Variants in LTBP3 observed in about 807,000 individuals in gnomAD.
LTBP3 encodes the protein latent-transforming growth factor beta-binding protein 3.
A neutral mutation model predicts 159.7 loss-of-function variants in LTBP3; 97 were observed. The ratio of observed to expected loss-of-function variants is 0.61; its 90% confidence interval spans 0.52 to 0.72. The LOEUF is 0.72. Among genes scored for constraint, LTBP3 ranks in the 30% least tolerant of loss-of-function variants. The pLI, the probability that LTBP3 is intolerant of heterozygous loss-of-function variation, is 0.00. For missense variants in LTBP3, 1,584 were observed against 1,864.3 expected (o/e 0.85, Z 2.77); for synonymous variants, 824 against 777.1 (o/e 1.06, Z -1.00).
chr11:65,548,277 C>G (rs1355006225), intron 11 of LTBP3: 1 of 642,116 alleles, frequency 1.6e-6, no homozygotes, highest in Non-Finnish European at 2.7e-6. Flanking sequence ...ACACCCAGGC[C>G]CGGATACTTC....
In LTBP3 at chr11:65,541,600, C is replaced by A; in HGVS notation, c.2725G>T (p.Glu909Ter). 6.2e-7 allele frequency: 1 copy of A among 1,614,176 alleles called. No individual in the cohort carries two copies. Among genetic ancestry groups the A allele is most frequent in the Non-Finnish European group, 8.5e-7 (1 of 1,180,012 alleles). The change falls in exon 19 of 28, where the codon GAG (glutamate) becomes TAG (stop). Residue 909 changes from glutamate (E) to a stop codon, truncating the protein, a stop_gained and splice_region_variant. Coordinates refer to ENST00000301873, the MANE Select transcript of LTBP3 (RefSeq NM_001130144.3). LOFTEE classifies it high-confidence loss of function. ...TPTQDQHGCE[E>*]VEQPHHKKEC... Reference sequence around the variant, plus strand: ...AGGGAGGAGCTGGGAGGACACTCACCCTCACAACCGTGCTGGTCCTGGGTG... The same window carrying A: ...AGGGAGGAGCTGGGAGGACACTCACACTCACAACCGTGCTGGTCCTGGGTG...
At chr11:65,540,713 C>CTACAGGAGGGGCGGGGCT in intron 21 of LTBP3, 99 bp from the exon 22 acceptor site, 2 of 1,555,762 alleles carry the variant, frequency 1.3e-6, no homozygotes, top group Non-Finnish European at 1.8e-6. Context: ...CGGGCGGGGC[C>CTACAGGAGGGGCGGGGCT]TACAGGAGGG....
chr11:65,547,884 A>C lies in LTBP3; in HGVS notation c.1846+36T>G, dbSNP rs1394778239. On this transcript the variant is annotated intron_variant, in intron 12 of 27. Coordinates refer to ENST00000301873, the MANE Select transcript of LTBP3 (RefSeq NM_001130144.3). This position sits in a 1 kb window ranked among gnomAD's most constrained non-coding sequence, Gnocchi z 4.6. ...GCGTCGTTATCTGGGGTCCCCCCCC[A>C]CCCACCTGCATGCCCGCCGCCTGCC... 3 of 1,612,998 alleles carry C rather than the reference A, an allele frequency of 1.9e-6. No individual in the cohort carries two copies. The highest frequency in any genetic ancestry group is 1.3e-5 in the African/African-American group (1 of 74,916).
rs376337792 is a variant in LTBP3 at position 65,547,488 on chromosome 11, G to A, written c.2058C>T (p.Asn686=). The change falls in exon 14 of 28, where the codon AAC becomes AAT. Residue 686 remains asparagine, a synonymous_variant. Coordinates refer to ENST00000301873, the MANE Select transcript of LTBP3 (RefSeq NM_001130144.3). This position sits in a 1 kb window ranked among gnomAD's most constrained non-coding sequence, Gnocchi z 4.6. ...CTTTGAGCCGGTAGCCGGGGTAGCA[G>A]TTGCACTTGTAGTGACCGGGAAAGT... The part of the protein sequence containing the change: ...CINFPGHYKC[N]CYPGYRLKAS... The A allele has an allele frequency of 2.5e-6, 4 of 1,614,054 alleles. No individual in the cohort carries two copies. In the African/African-American group the frequency reaches 4.0e-5, roughly 16 times the overall value.
chr11:65,540,775 G>GGC, intron 21 of LTBP3, 96 bp downstream of exon 21: 1 of 1,481,214 alleles, frequency 6.8e-7, no homozygotes, highest in Non-Finnish European at 9.2e-7. Context: ...GGGCTTACCC[G>GGC]GCGCGGGCAG....
Position 65,539,146 on chromosome 11 carries a change from G to A in LTBP3, c.3846C>T (p.Cys1282=), listed in dbSNP as rs1465948756. 6.7e-7 allele frequency: 1 copy of A among 1,490,712 alleles called. No homozygotes were observed. The allele number at this position is 1,490,712 out of a possible 1,614,324, so 92.3% of individuals were successfully genotyped here. A position where few individuals can be genotyped will look rare whatever the true frequency, so the allele number is the denominator to read the frequency against. ...TGCGCGCGAAGCCGGCTTTGCAGAC[G>A]CAGCGGAAGGAGCCGCTGGTGTTCA... is the stretch of plus-strand genomic sequence containing the variant. The part of the protein sequence containing the change: ...RCVNTSGSFR[C]VCKAGFARSR... The change falls in exon 28 of 28, where the codon TGC becomes TGT. Residue 1282 remains cysteine (C), a synonymous_variant. Transcript: ENST00000301873.
At chr11:65,543,013 G>GTGGATGGA (rs1253496244) in intron 18 of LTBP3, 92 bp downstream of exon 18, 3 of 1,523,624 alleles carry the variant, frequency 2.0e-6, no homozygotes, top group African/African-American at 1.4e-5. Context: ...GGTTGGATGG[G>GTGGATGGA]TGGATGGATG....
intron 1 of LTBP3, among the ~76,000 whole-genome samples, chr11:65,555,646 G>A (rs1418712573): frequency 1.3e-5 from 2 of 152,182 alleles, no homozygotes; most frequent in Non-Finnish European, 2.9e-5. Context: ...CAGGGGGTTC[G>A]GGGGAATGAA....
chr11:65,538,753 G>A lies in LTBP3; in HGVS notation c.*327C>T. On this transcript the variant is annotated 3_prime_UTR_variant, in exon 28 of 28. Transcript: ENST00000301873. The stretch of plus-strand genomic sequence containing the variant: ...GCCCCTGGGAGGCGGCTGGGGTCTG[G>A]CGCCGCCCTGCGCAGCCCGCGCCCA... 1 of 911,098 alleles carries A rather than the reference G, an allele frequency of 1.1e-6. No homozygotes were observed. The highest frequency in any genetic ancestry group is 1.6e-6 in the Non-Finnish European group (1 of 624,654). 56.4% of individuals were successfully genotyped at this position (911,098 alleles called of 1,614,324 possible). A position where few individuals can be genotyped will look rare whatever the true frequency, so the allele number is the denominator to read the frequency against.
chr11:65,538,990 C>T lies in LTBP3; in HGVS notation c.*90G>A, dbSNP rs578230964. 6 of 1,315,686 alleles carry T rather than the reference C, an allele frequency of 4.6e-6. No homozygotes were observed. Among genetic ancestry groups the T allele is most frequent in the Non-Finnish European group, 5.8e-6 (6 of 1,033,574 alleles). 81.5% of individuals were successfully genotyped at this position (1,315,686 alleles called of 1,614,324 possible). A position where few individuals can be genotyped will look rare whatever the true frequency, so the allele number is the denominator to read the frequency against. ...TGCGGGCCCTGAAGGTCCCTGGGTC[C>T]GAGCCACAAGTCGGGGCAGAAGTGA... On this transcript the variant is annotated 3_prime_UTR_variant, in exon 28 of 28. Coordinates refer to ENST00000301873, the MANE Select transcript of LTBP3 (RefSeq NM_001130144.3).
chr11:65,540,454 C>T, intron 22 of LTBP3, 32 bp downstream of exon 22: 1 of 1,612,240 alleles, frequency 6.2e-7, no homozygotes, highest in Non-Finnish European at 8.5e-7. Context: ...CTCCCTGCCG[C>T]TTCCCCACGG....
chr11:65,542,601 T>C (rs1488997990), intron 18 of LTBP3: 2 of 207,900 alleles, frequency 9.6e-6, no homozygotes, highest in Non-Finnish European at 2.0e-5. Context: ...TTGGCCAGGC[T>C]GGTCTTGAAC....
chr11:65,548,147 T>G, intron 11 of LTBP3, 102 bp from the exon 12 acceptor site: 1 of 1,544,264 alleles, frequency 6.5e-7, no homozygotes, highest in Non-Finnish European at 8.9e-7. Flanking sequence ...GACCTCAGGT[T>G]CCTGTACGCC....
rs1359056577 is a variant in LTBP3 at position 65,543,190 on chromosome 11, A to C, written c.2511T>G (p.Ile837Met). 3 of 1,613,988 alleles carry C rather than the reference A, an allele frequency of 1.9e-6. No individual in the cohort carries two copies. The highest frequency in any genetic ancestry group is 2.5e-6 in the Non-Finnish European group (3 of 1,179,994). Residue 837 changes from isoleucine (I) to methionine (M), a missense_variant, in exon 18 of 28, where the codon ATT becomes ATG. By Grantham distance (10) the Ile-to-Met change is conservative. This residue lies in a region of LTBP3 where 565 missense variants were observed against 677.7 expected (regional missense o/e 0.83). Transcript: ENST00000301873. ...IDECDFPAACIGGDCINTNGS... is the reference protein window; with the variant it reads ...IDECDFPAACMGGDCINTNGS... ...CATTGGTATTGATGCAGTCACCCCC[A>C]ATGCAGGCTGCAGGGAAGTCACACT...
Position 65,553,813 on chromosome 11 carries a change from T to TCGG in LTBP3, c.749_751dup (p.Ala250dup). 1 of 1,561,820 alleles carries TCGG rather than the reference T, an allele frequency of 6.4e-7. No individual in the cohort carries two copies. Among genetic ancestry groups the TCGG allele is most frequent in the Non-Finnish European group, 8.6e-7 (1 of 1,161,400 alleles). ...CAGGTGCTGGGAGGGGGCTGCGCTC[T>TCGG]CGGCGTTCGAGCTCTCAATGCGGTG... On this transcript the variant is annotated inframe_insertion, in exon 3 of 28. Transcript: ENST00000301873. The surrounding 1 kb of genome is among the most constrained non-coding windows in gnomAD (Gnocchi z 6.5).
chr11:65,546,745 C>T lies in LTBP3; in HGVS notation c.2230+53G>A. On this transcript the variant is annotated intron_variant, in intron 15 of 27. Transcript: ENST00000301873. The surrounding 1 kb of genome is among the most constrained non-coding windows in gnomAD (Gnocchi z 4.0). ...CCGCCCCGCCCCCAGCGGAGCCAGA[C>T]TGGGGGAGGCACCTGACGGCCCCAC... 1.3e-6 allele frequency: 2 copies of T among 1,524,372 alleles called. No individual in the cohort carries two copies. Among genetic ancestry groups the T allele is most frequent in the South Asian group, 1.1e-5 (1 of 88,162 alleles). The allele number at this position is 1,524,372 out of a possible 1,614,324, so 94.4% of individuals were successfully genotyped here. A position where few individuals can be genotyped will look rare whatever the true frequency, so the allele number is the denominator to read the frequency against.
At position 65,539,313 on chromosome 11, in the gene LTBP3, C is replaced by G. The variant is rs772736223; in HGVS notation, c.3760+15G>C. On this transcript the variant is annotated intron_variant, in intron 27 of 27. Coordinates refer to ENST00000301873, the MANE Select transcript of LTBP3 (RefSeq NM_001130144.3). ...CCGGCCCCGCCCCTGCCCCCACCCC[C>G]GAAGCCCGGCTCACCCACGCAGCGG... 2.0e-6 allele frequency: 3 copies of G among 1,510,568 alleles called. No individual in the cohort carries two copies. Among genetic ancestry groups the G allele is most frequent in the East Asian group, 2.7e-5 (1 of 37,498 alleles). 93.6% of individuals were successfully genotyped at this position (1,510,568 alleles called of 1,614,324 possible). A position where few individuals can be genotyped will look rare whatever the true frequency, so the allele number is the denominator to read the frequency against.
At chr11:65,540,737 G>GA (rs1856089760) in intron 21 of LTBP3, 123 bp from the exon 22 acceptor site, 25 of 1,514,246 alleles carry the variant, frequency 1.7e-5, no homozygotes, top group South Asian at 5.7e-5. Context: ...GGGCCTACAG[G>GA]GCGGGGCCTG....
chr11:65,545,945 G>A (rs1328934650), intron 16 of LTBP3, among the ~76,000 whole-genome samples: 1 of 152,098 alleles, frequency 6.6e-6, no homozygotes, highest in Admixed American at 6.5e-5. Flanking sequence ...CCCTGTGCCT[G>A]CCATGCTGTT....
Sources: gnomAD v4.1 joint callset for allele counts (sites outside exome capture counted in the v4.1 genomes callset) on GRCh38, gnomAD v4.1.1 for gene constraint, gnomAD v4.1.1 regional missense constraint, Gnocchi (gnomAD v3.1) non-coding constraint, MANE v1.5 for transcripts, NCBI Gene and HGNC (gene_info 2026-07-23, HGNC 2026-07-21) for gene names.